The following RNF180 variants were observed in gnomAD, a reference collection of about 807,000 sequenced individuals.
RNF180 encodes E3 ubiquitin-protein ligase RNF180.
RNF180 carries 38 observed loss-of-function variants against 59.2 expected under a neutral mutation model. The observed-to-expected ratio is 0.64, with a 90% confidence interval of 0.50 to 0.84. The LOEUF (loss-of-function observed/expected upper bound fraction) is 0.84. Among genes scored for constraint, RNF180 ranks in the 40% least tolerant of loss-of-function variants. The pLI is 0.00. For synonymous variants in RNF180, 262 were observed against 240.3 expected (o/e 1.09, Z -0.84); for missense variants, 705 against 700.9 (o/e 1.01, Z -0.07).
chr5:64,273,167 A>G (rs77721920), intron 5 of RNF180, among the ~76,000 whole-genome samples: 1 of 151,944 alleles, frequency 6.6e-6, no homozygotes, highest in African/African-American at 2.4e-5. Context: ...CACCAGCACC[A>G]TGACACTTTA....
intron 5 of RNF180, among the ~76,000 whole-genome samples, chr5:64,317,059 C>T (rs1280280945): frequency 2.6e-5 from 4 of 152,154 alleles, no homozygotes; most frequent in African/African-American, 9.7e-5. Flanking sequence ...AACCTGCAGA[C>T]ATGGAGGGCC....
intron 5 of RNF180, among the ~76,000 whole-genome samples, chr5:64,262,626 A>G (rs1300366752): frequency 6.6e-6 from 1 of 152,190 alleles, no homozygotes; most frequent in South Asian, 2.1e-4. Context: ...AAAAATTGAG[A>G]CTGTTAATTT....
At chr5:64,288,440 G>A (rs1742403084) in intron 5 of RNF180, among the ~76,000 whole-genome samples, 1 of 152,110 alleles carries the variant, frequency 6.6e-6, no homozygotes, top group African/African-American at 2.4e-5. Flanking sequence ...AGTGAAGAAT[G>A]CCACTGATAA....
intron 1 of RNF180, among the ~76,000 whole-genome samples, chr5:64,183,703 C>T (rs897936420): frequency 6.6e-6 from 1 of 152,074 alleles, no homozygotes; most frequent in Non-Finnish European, 1.5e-5. Flanking sequence ...CCGCCTTGGC[C>T]GCTGAAAGTG....
intron 5 of RNF180, among the ~76,000 whole-genome samples, chr5:64,276,495 T>G (rs1335336792): frequency 2.0e-5 from 3 of 152,002 alleles, no homozygotes; most frequent in Non-Finnish European, 4.4e-5. Flanking sequence ...GACCTCTTTA[T>G]TCTTTAAAGT....
rs1162054033 is a variant in RNF180, at chr5:64,346,359, C to CTTTTTTTTTTTTTTT, written c.1579+15966_1579+15980dup. Among the ~76,000 whole-genome samples, 68 of 42,956 alleles carry CTTTTTTTTTTTTTTT rather than the reference C, an allele frequency of 1.6e-3. 3 individuals are homozygous for CTTTTTTTTTTTTTTT. Among genetic ancestry groups the CTTTTTTTTTTTTTTT allele is most frequent in the African/African-American group, 3.1e-3 (33 of 10,816 alleles). The allele number at this position is 42,956 out of a possible 152,430, so 28.2% of individuals were successfully genotyped here. On this transcript the variant is annotated intron_variant, in intron 7 of 7. Transcript: ENST00000389100. Reference sequence around the variant, plus strand: ...TCTATTCTTCTTTTTTTCTTTTCTTCTTTTTTTTTTTTTTTTTTTTTTTTT... The same window carrying CTTTTTTTTTTTTTTT: ...TCTATTCTTCTTTTTTTCTTTTCTTCTTTTTTTTTTTTTTTTTTTTTTTTTTTTTTTTTTTTTTTT...
At chr5:64,217,876 G>C (rs1580031999) in intron 5 of RNF180, 1 of 152,242 alleles carries the variant, frequency 6.6e-6, no homozygotes, top group East Asian at 1.9e-4. Context: ...AAGATTGCTT[G>C]AGCCCAGGAG....
At chr5:64,363,147 T>A in intron 7 of RNF180, among the ~76,000 whole-genome samples, 1 of 151,966 alleles carries the variant, frequency 6.6e-6, no homozygotes, top group East Asian at 1.9e-4. Context: ...GCTTTTGGCA[T>A]CTTCATCATG....
At chr5:64,316,940 C>T (rs1744069876) in intron 5 of RNF180, among the ~76,000 whole-genome samples, 1 of 152,202 alleles carries the variant, frequency 6.6e-6, no homozygotes, top group Admixed American at 6.5e-5. Flanking sequence ...TCAATTCCTA[C>T]AGTAGGCCCT....
chr5:64,349,435 C>CT (rs926452541), intron 7 of RNF180, among the ~76,000 whole-genome samples: 9 of 143,322 alleles, frequency 6.3e-5, no homozygotes, highest in Non-Finnish European at 7.6e-5. Flanking sequence ...GTTTCTATTA[C>CT]TTTTTTTTAT....
At chr5:64,295,470 G>A (rs1208554466) in intron 5 of RNF180, among the ~76,000 whole-genome samples, 1 of 152,218 alleles carries the variant, frequency 6.6e-6, no homozygotes, top group Non-Finnish European at 1.5e-5. Context: ...TCATCCTTCA[G>A]TGGTCTGTAG....
intron 5 of RNF180, among the ~76,000 whole-genome samples, chr5:64,223,470 T>C (rs1426845635): frequency 1.3e-5 from 2 of 152,226 alleles, no homozygotes; most frequent in African/African-American, 2.4e-5. Flanking sequence ...GTTATTTTTC[T>C]GAGTGCATTA....
intron 5 of RNF180, among the ~76,000 whole-genome samples, chr5:64,252,823 G>A (rs1048336753): frequency 6.6e-6 from 1 of 152,026 alleles, no homozygotes; most frequent in African/African-American, 2.4e-5. Context: ...AGATGCTGGG[G>A]CACAGTGATG....
intron 1 of RNF180, among the ~76,000 whole-genome samples, chr5:64,193,220 C>A (rs1413960211): frequency 1.3e-5 from 2 of 151,648 alleles, no homozygotes; most frequent in African/African-American, 4.8e-5. Flanking sequence ...CAATATATTA[C>A]CTATAGTTAA....
chr5:64,186,723 T>C (rs1002783750), intron 1 of RNF180, among the ~76,000 whole-genome samples: 4 of 152,168 alleles, frequency 2.6e-5, no homozygotes, highest in Non-Finnish European at 5.9e-5. Flanking sequence ...TATTTAGATG[T>C]ATCATGTCCT....
At chr5:64,199,113 C>T (rs1412156835) in intron 1 of RNF180, among the ~76,000 whole-genome samples, 1 of 152,140 alleles carries the variant, frequency 6.6e-6, no homozygotes, top group South Asian at 2.1e-4. Flanking sequence ...CCACCACGCC[C>T]GGCCAAATTA....
At chr5:64,325,995 A>G (rs1646011054) in intron 6 of RNF180, among the ~76,000 whole-genome samples, 1 of 152,190 alleles carries the variant, frequency 6.6e-6, no homozygotes, top group South Asian at 2.1e-4. Flanking sequence ...ATGAATGTGG[A>G]ACATAGAGAA....
At chr5:64,178,347 G>A (rs1579933749) in intron 1 of RNF180, among the ~76,000 whole-genome samples, 2 of 152,146 alleles carry the variant, frequency 1.3e-5, no homozygotes, top group Middle Eastern at 3.4e-3. Context: ...CTTTCCATTG[G>A]CAGACAATAT....
At chr5:64,322,815 C>T (rs905456987) in intron 5 of RNF180, among the ~76,000 whole-genome samples, 6 of 152,038 alleles carry the variant, frequency 3.9e-5, no homozygotes, top group South Asian at 2.1e-4. Context: ...ATAAGAATGA[C>T]ACAATGGACT....
Sources: allele counts gnomAD v4.1 joint callset (sites outside exome capture counted in the v4.1 genomes callset), GRCh38; gene constraint gnomAD v4.1.1; transcripts MANE v1.5; gene names NCBI Gene and HGNC (gene_info 2026-07-23, HGNC 2026-07-21).